ESPNL: variants seen among roughly 807,000 people sequenced by gnomAD.
ESPNL encodes espin-like protein.
In ESPNL, 49 loss-of-function variants were observed where a neutral mutation model predicts 46.8. The observed-to-expected ratio is 1.05, with a 90% confidence interval of 0.83 to 1.33. ESPNL has a LOEUF of 1.33. Among genes scored for constraint, ESPNL ranks in the 40% most tolerant of loss-of-function variants. The pLI, the probability that ESPNL is intolerant of heterozygous loss-of-function variation, is 0.00. For synonymous variants in ESPNL, 664 were observed against 662.1 expected (o/e 1.00, Z -0.04); for missense variants, 1,540 against 1,436.6 (o/e 1.07, Z -1.16).
At chr2:238,128,049 C>T (rs566860108) in intron 7 of ESPNL, among the ~76,000 whole-genome samples, 1 of 152,180 alleles carries the variant, frequency 6.6e-6, no homozygotes, top group Non-Finnish European at 1.5e-5. Context: ...GCTTGGAGTG[C>T]GGAGATCGCA....
intron 6 of ESPNL, chr2:238,127,308 G>C: frequency 1.7e-6 from 2 of 1,154,004 alleles, no homozygotes; most frequent in Non-Finnish European, 2.1e-6. Context: ...ACCAGCTTTG[G>C]GGCCTGCAGA....
In ESPNL at chr2:238,116,237, C is replaced by G. The variant is rs76658582; in HGVS notation, c.856-666C>G. On this transcript the variant is annotated intron_variant, in intron 4 of 8. Transcript: ENST00000343063. The stretch of plus-strand genomic sequence containing the variant: ...ACAGGCCAAGATGTCCTCTAGCCTT[C>G]CAGTCCTGTGGACTCCCTCCCCAGC... Among the ~76,000 whole-genome samples, 8 of 152,376 alleles carry G rather than the reference C, an allele frequency of 5.3e-5. No individual in the cohort carries two copies. In the East Asian group the frequency reaches 1.5e-3, roughly 29 times the overall value.
intron 5 of ESPNL, among the ~76,000 whole-genome samples, chr2:238,118,429 AG>A (rs1691875842): frequency 1.0e-5 from 1 of 95,536 alleles, no homozygotes; most frequent in African/African-American, 5.8e-5. Context: ...TGGATGGAGG[AG>A]GAATGGATGG....
intron 4 of ESPNL, among the ~76,000 whole-genome samples, chr2:238,110,111 A>G (rs4663286): frequency 0.066 from 1,502 of 22,592 alleles, no homozygotes; most frequent in African/African-American, 0.084. Context: ...ATCCCATTTA[A>G]GGTGCCATAT....
chr2:238,118,793 GTGGATGGAGGAGGAA>G lies in ESPNL; in HGVS notation c.987+1788_987+1802del, dbSNP rs1174335111. On this transcript the variant is annotated intron_variant, in intron 5 of 8. Transcript: ENST00000343063. ...GATGGAGGAGGGGAGATGGAGGAGG[GTGGATGGAGGAGGAA>G]TGGATGGAGGAGGAATGGATGGAGG... Among the ~76,000 whole-genome samples the G allele has an allele frequency of 2.2e-4, 20 of 90,528 alleles. 1 individual carries two copies. Among genetic ancestry groups the G allele is most frequent in the Non-Finnish European group, 4.0e-4 (18 of 45,292 alleles). The allele number at this position is 90,528 out of a possible 152,430, so 59.4% of individuals were successfully genotyped here.
At chr2:238,111,865 T>C (rs1691724406) in intron 4 of ESPNL, among the ~76,000 whole-genome samples, 1 of 152,232 alleles carries the variant, frequency 6.6e-6, no homozygotes, top group East Asian at 1.9e-4. Flanking sequence ...ATTCCTGGAA[T>C]AAATTCAACA....
rs1265767441 is a variant in ESPNL, at chr2:238,100,562, A to G, written c.143A>G (p.His48Arg). The part of the protein sequence containing the change: ...GLVHHATRAG[H>R]LDCVKFLVQR... ...GTTCACCACGCCACCCGGGCTGGCC[A>G]CCTGGACTGCGTCAAGTTCTTGGTG... The change falls in exon 1 of 9, where the codon CAC (histidine) becomes CGC (arginine). Residue 48 changes from histidine to arginine, a missense_variant. Physicochemically the swap from His to Arg is conservative, Grantham distance 29. Transcript: ENST00000343063. The G allele has an allele frequency of 1.3e-6, 2 of 1,587,718 alleles. No homozygotes were observed. Among genetic ancestry groups the G allele is most frequent in the Admixed American group, 3.6e-5 (2 of 56,108 alleles).
intron 5 of ESPNL, among the ~76,000 whole-genome samples, chr2:238,117,337 C>A (rs1691839679): frequency 6.6e-6 from 1 of 152,194 alleles, no homozygotes; most frequent in Non-Finnish European, 1.5e-5. Context: ...GGGCATGTGA[C>A]AGGGCCTGGG....
intron 8 of ESPNL, 196 bp downstream of exon 8, chr2:238,129,100 C>T: frequency 7.0e-7 from 1 of 1,422,386 alleles, no homozygotes; most frequent in Non-Finnish European, 9.2e-7. Flanking sequence ...GCCCCTTCAC[C>T]TGCTCTGGAG....
chr2:238,119,455 T>A (rs1197222835), intron 5 of ESPNL, among the ~76,000 whole-genome samples: 1 of 76,176 alleles, frequency 1.3e-5, no homozygotes, highest in East Asian at 4.4e-4. Flanking sequence ...GGAGAGGAGG[T>A]TAGATGAAGG....
rs1692122366 is a variant in ESPNL at position 238,126,546 on chromosome 2, T to C, written c.1103-1076T>C. Among the ~76,000 whole-genome samples the C allele has an allele frequency of 2.0e-5, 3 of 148,130 alleles. No homozygotes were observed. In the South Asian group the frequency reaches 6.5e-4, roughly 32 times the overall value. ...ATGCATCTGTGTGTGATTGTGCCTGTGTGTATCTGTGTGATTGTGTTTGTG... is the reference window on the plus strand; with the variant it reads ...ATGCATCTGTGTGTGATTGTGCCTGCGTGTATCTGTGTGATTGTGTTTGTG... On this transcript the variant is annotated intron_variant, in intron 6 of 8. Transcript: ENST00000343063.
chr2:238,128,202 C>G (rs1213197817), intron 7 of ESPNL, among the ~76,000 whole-genome samples: 1 of 152,206 alleles, frequency 6.6e-6, no homozygotes, highest in African/African-American at 2.4e-5. Context: ...CAGACTTTCC[C>G]TGCGTGGTAC....
At position 238,104,842 on chromosome 2, in the gene ESPNL, G is replaced by C. The variant is rs1367689216; in HGVS notation, c.672G>C (p.Leu224=). 1 of 1,495,246 alleles carries C rather than the reference G, an allele frequency of 6.7e-7. No individual in the cohort carries two copies. Among genetic ancestry groups the C allele is most frequent in the East Asian group, 2.6e-5 (1 of 39,152 alleles). 92.6% of individuals were successfully genotyped at this position (1,495,246 alleles called of 1,614,324 possible). A position where few individuals can be genotyped will look rare whatever the true frequency, so the allele number is the denominator to read the frequency against. Residue 224 remains leucine (L), a splice_region_variant and synonymous_variant, in exon 3 of 9, where the codon CTG becomes CTC. Coordinates refer to ENST00000343063, the MANE Select transcript of ESPNL (RefSeq NM_194312.4). ...ARGHYSLVVW[L]VTFTDIGLTA... is the part of the protein sequence containing the mutation. ...GCCACTACTCCCTCGTCGTCTGGCT[G>C]GTAAGTGGGTGCCAGAGGTGGGAAG...
At chr2:238,122,226 A>G (rs768203537) in intron 5 of ESPNL, among the ~76,000 whole-genome samples, 2 of 152,236 alleles carry the variant, frequency 1.3e-5, no homozygotes, top group African/African-American at 2.4e-5. Flanking sequence ...CTGAGGCTCC[A>G]TCGTGTCCAG....
Position 238,116,828 on chromosome 2 carries a change from G to A in ESPNL, c.856-75G>A, listed in dbSNP as rs370289064. On this transcript the variant is annotated intron_variant, in intron 4 of 8. Coordinates refer to ENST00000343063, the MANE Select transcript of ESPNL (RefSeq NM_194312.4). ...AGCCTGCGCCATGGGGCAGGGGAGC[G>A]GCCCGCACAGGGCCAGTCCCATGGG... 1.4e-4 allele frequency: 211 copies of A among 1,550,522 alleles called. 1 individual carries two copies. The highest frequency in any genetic ancestry group is 5.9e-4 in the East Asian group (26 of 43,894).
rs1406550021 is a variant in ESPNL, at chr2:238,128,690, C to T, written c.1216-17C>T. ...GGGTCCCCTTCGGGCCTGTGTGACC[C>T]ACCCCCTTCTGCACAGGGGACAGAG... On this transcript the variant is annotated splice_polypyrimidine_tract_variant and intron_variant, in intron 7 of 8. Transcript: ENST00000343063. The T allele has an allele frequency of 4.4e-6, 7 of 1,584,848 alleles. No individual in the cohort carries two copies. Among genetic ancestry groups the T allele is most frequent in the Non-Finnish European group, 6.0e-6 (7 of 1,165,922 alleles).
Position 238,128,836 on chromosome 2 carries a change from T to C in ESPNL, c.1345T>C (p.Trp449Arg). 3 of 1,549,422 alleles carry C rather than the reference T, an allele frequency of 1.9e-6. No individual in the cohort carries two copies. The highest frequency in any genetic ancestry group is 2.6e-6 in the Non-Finnish European group (3 of 1,147,154). Residue 449 changes from tryptophan to arginine, a missense_variant, in exon 8 of 9, where the codon TGG becomes CGG. Coordinates refer to ENST00000343063, the MANE Select transcript of ESPNL (RefSeq NM_194312.4). ...TGAGCGCGGCCAGCCCATCCCAGAG[T>C]GGAAGCGGCAGGTGATGGTGCGGAA... The part of the protein sequence containing the change: ...RDERGQPIPE[W>R]KRQVMVRKLQ...
In ESPNL at chr2:238,104,774, G is replaced by T; in HGVS notation, c.604G>T (p.Ala202Ser). 1 of 1,598,376 alleles carries T rather than the reference G, an allele frequency of 6.3e-7. No homozygotes were observed. Among genetic ancestry groups the T allele is most frequent in the Non-Finnish European group, 8.5e-7 (1 of 1,174,394 alleles). Residue 202 changes from alanine to serine, a missense_variant, in exon 3 of 9, where the codon GCT becomes TCT. Ala to Ser is a moderately conservative substitution (Grantham distance 99). Coordinates refer to ENST00000343063, the MANE Select transcript of ESPNL (RefSeq NM_194312.4). ...KDCGADVHLR[A>S]LDGMSALHAA... ...CTGTGGCGCTGACGTGCACCTTCGTGCTCTCGATGGCATGAGCGCCCTGCA... is the reference window on the plus strand; with the variant it reads ...CTGTGGCGCTGACGTGCACCTTCGTTCTCTCGATGGCATGAGCGCCCTGCA...
At chr2:238,122,084 C>T (rs929518017) in intron 5 of ESPNL, among the ~76,000 whole-genome samples, 1 of 152,258 alleles carries the variant, frequency 6.6e-6, no homozygotes, top group African/African-American at 2.4e-5. Context: ...GGGACAGCGA[C>T]AGCGGTCGGG....
Sources: gnomAD v4.1 joint callset for allele counts (sites outside exome capture counted in the v4.1 genomes callset) on GRCh38, gnomAD v4.1.1 for gene constraint, MANE v1.5 for transcripts, NCBI Gene and HGNC (gene_info 2026-07-23, HGNC 2026-07-21) for gene names.